The following LEKR1 variants were observed in gnomAD, a reference collection of about 807,000 sequenced individuals.
LEKR1 encodes the protein protein LEKR1.
Under a neutral mutation model 72.4 loss-of-function variants are expected in LEKR1, and 59 were observed. The observed-to-expected ratio is 0.82, with a 90% CI of 0.66 to 1.01. LEKR1 has a LOEUF of 1.01. LEKR1 is among the 50% of genes least tolerant of loss of function. The pLI, the probability that LEKR1 is intolerant of heterozygous loss-of-function variation, is 0.00. For synonymous variants in LEKR1, 257 were observed against 263.2 expected (o/e 0.98, Z 0.23); for missense variants, 728 against 759.2 (o/e 0.96, Z 0.48).
intron 3 of LEKR1, among the ~76,000 whole-genome samples, chr3:156,856,085 G>T (rs776547675): frequency 1.3e-5 from 2 of 152,092 alleles, no homozygotes; most frequent in Non-Finnish European, 2.9e-5. Context: ...AACAACATAT[G>T]TTTAAAACTT....
intron 6 of LEKR1, among the ~76,000 whole-genome samples, chr3:156,971,732 G>A (rs368715334): frequency 1.4e-4 from 21 of 151,656 alleles, no homozygotes; most frequent in East Asian, 7.7e-4. Flanking sequence ...CAAAAGACAC[G>A]TGAAAAAATG....
intron 3 of LEKR1, among the ~76,000 whole-genome samples, chr3:156,884,363 C>A (rs1719835421): frequency 6.6e-6 from 1 of 151,762 alleles, no homozygotes; most frequent in South Asian, 2.1e-4. Flanking sequence ...TGTGTTATTG[C>A]TTTATAGGCC....
intron 9 of LEKR1, among the ~76,000 whole-genome samples, chr3:157,010,581 A>G (rs962529543): frequency 6.6e-6 from 1 of 152,084 alleles, no homozygotes; most frequent in Non-Finnish European, 1.5e-5. Context: ...GAAAAACAAA[A>G]GGATTAGAAG....
intron 4 of LEKR1, among the ~76,000 whole-genome samples, chr3:156,925,676 G>A (rs1226739044): frequency 6.6e-6 from 1 of 151,956 alleles, no homozygotes; most frequent in Non-Finnish European, 1.5e-5. Context: ...TGGTGAAAGC[G>A]AGATGAATGG....
intron 6 of LEKR1, among the ~76,000 whole-genome samples, chr3:156,944,928 A>G (rs1357155864): frequency 6.6e-6 from 1 of 151,738 alleles, no homozygotes; most frequent in African/African-American, 2.4e-5. Flanking sequence ...TTTCAGTATT[A>G]TAACTACCAG....
rs1289840872 is a variant in LEKR1, at chr3:157,028,321, G to A, written c.1587G>A (p.Met529Ile). The change falls in exon 12 of 13, where the codon ATG (methionine) becomes ATA (isoleucine). Residue 529 changes from methionine (M) to isoleucine (I), a missense_variant. Coordinates refer to ENST00000356539, the MANE Select transcript of LEKR1 (RefSeq NM_001004316.3). The stretch of plus-strand genomic sequence containing the variant: ...TTTCAGAAAACTTGAGGAAGGAAAT[G>A]GAACAGAAGTCGGATGAACTGAAAA... ...DSVSENLRKE[M>I]EQKSDELKRV... 6.2e-7 allele frequency: 1 copy of A among 1,613,240 alleles called. No homozygotes were observed. Among genetic ancestry groups the A allele is most frequent in the East Asian group, 2.2e-5 (1 of 44,802 alleles).
At chr3:156,976,592 T>C (rs1729715662) in intron 6 of LEKR1, among the ~76,000 whole-genome samples, 1 of 152,206 alleles carries the variant, frequency 6.6e-6, no homozygotes. Flanking sequence ...TTACTGCATA[T>C]TTCATTGTTA....
At chr3:157,011,020 C>G (rs1469597189) in intron 9 of LEKR1, among the ~76,000 whole-genome samples, 3 of 151,988 alleles carry the variant, frequency 2.0e-5, no homozygotes, top group Non-Finnish European at 4.4e-5. Flanking sequence ...TTTAAAGAAA[C>G]CAAATATTGT....
At chr3:157,032,442 T>C (rs774584140) in intron 12 of LEKR1, among the ~76,000 whole-genome samples, 4 of 152,208 alleles carry the variant, frequency 2.6e-5, no homozygotes, top group African/African-American at 4.8e-5. Context: ...ATAATGCTCT[T>C]GGTTAAACAT....
chr3:156,858,218 T>C (rs1716307503), intron 3 of LEKR1, among the ~76,000 whole-genome samples: 1 of 152,046 alleles, frequency 6.6e-6, no homozygotes, highest in Admixed American at 6.6e-5. Flanking sequence ...TTTCCTTGAG[T>C]AGTTTATTTG....
chr3:156,839,561 G>A (rs1713618580), intron 2 of LEKR1, among the ~76,000 whole-genome samples: 1 of 152,232 alleles, frequency 6.6e-6, no homozygotes, highest in South Asian at 2.1e-4. Context: ...GTCAGAGGGT[G>A]AAGGGTTTCA....
At chr3:157,032,626 A>T (rs966834161) in intron 12 of LEKR1, among the ~76,000 whole-genome samples, 2 of 152,226 alleles carry the variant, frequency 1.3e-5, no homozygotes, top group Non-Finnish European at 2.9e-5. Flanking sequence ...TGTCTAAGAG[A>T]TAAATAACTT....
At chr3:156,861,794 C>G (rs1716789719) in intron 3 of LEKR1, among the ~76,000 whole-genome samples, 1 of 152,014 alleles carries the variant, frequency 6.6e-6, no homozygotes, top group African/African-American at 2.4e-5. Context: ...ATTACTTGAA[C>G]TTTGAGGAAC....
At chr3:156,944,446 T>C (rs1726504856) in intron 6 of LEKR1, among the ~76,000 whole-genome samples, 1 of 151,782 alleles carries the variant, frequency 6.6e-6, no homozygotes, top group Non-Finnish European at 1.5e-5. Flanking sequence ...TTTTTAAATG[T>C]ACAATATTAT....
intron 10 of LEKR1, chr3:157,017,567 G>C (rs1387937267): frequency 6.6e-6 from 1 of 152,114 alleles, no homozygotes; most frequent in Non-Finnish European, 1.5e-5. Flanking sequence ...TCCCCTGCTA[G>C]AACTTCTAAA....
At chr3:156,885,710 G>A (rs1719983120) in intron 3 of LEKR1, among the ~76,000 whole-genome samples, 3 of 152,252 alleles carry the variant, frequency 2.0e-5, no homozygotes. Flanking sequence ...CGTGATTCTA[G>A]ATGTGTTTAG....
intron 6 of LEKR1, among the ~76,000 whole-genome samples, chr3:156,973,166 G>A (rs750006802): frequency 3.3e-5 from 5 of 152,018 alleles, no homozygotes; most frequent in Middle Eastern, 6.8e-3. Context: ...TAAAGTCTGC[G>A]AAGTTTTATT....
intron 1 of LEKR1, 76 bp from the exon 2 acceptor site, chr3:156,829,210 A>G: frequency 1.6e-6 from 1 of 626,044 alleles, no homozygotes; most frequent in Admixed American, 2.7e-5. Context: ...AAATACTTCT[A>G]GGAGTTTATA....
intron 9 of LEKR1, among the ~76,000 whole-genome samples, chr3:156,998,744 A>C (rs1301776187): frequency 6.6e-6 from 1 of 152,190 alleles, no homozygotes; most frequent in African/African-American, 2.4e-5. Context: ...CCCATAAAGC[A>C]TAATTTTTAA....
Sources: allele counts gnomAD v4.1 joint callset (sites outside exome capture counted in the v4.1 genomes callset), GRCh38; gene constraint gnomAD v4.1.1; transcripts MANE v1.5; gene names NCBI Gene and HGNC (gene_info 2026-07-23, HGNC 2026-07-21).